The following TTC3 variants were observed in gnomAD, a reference collection of about 807,000 sequenced individuals.
The protein encoded by TTC3 is tetratricopeptide repeat domain 3, also known as E3 ubiquitin-protein ligase TTC3.
Under a neutral mutation model 249.6 loss-of-function variants are expected in TTC3, and 180 were observed. The ratio of observed to expected loss-of-function variants is 0.72; its 90% confidence interval spans 0.64 to 0.82. TTC3 has a LOEUF of 0.82. Among genes scored for constraint, TTC3 ranks in the 40% least tolerant of loss-of-function variants. TTC3 has a pLI of 0.00. For synonymous variants in TTC3, 717 were observed against 805.0 expected (o/e 0.89, Z 1.85); for missense variants, 2,061 against 2,398.4 (o/e 0.86, Z 2.94).
At chr21:37,114,949 G>A (rs548067528) in intron 11 of TTC3, among the ~76,000 whole-genome samples, 234 of 151,890 alleles carry the variant, frequency 1.5e-3, no homozygotes, top group African/African-American at 4.1e-3. Context: ...ACCAAACACC[G>A]CATGTTCTCA....
chr21:37,111,617 A>G (rs2075668978), intron 11 of TTC3, among the ~76,000 whole-genome samples: 1 of 152,172 alleles, frequency 6.6e-6, no homozygotes, highest in Admixed American at 6.5e-5. Flanking sequence ...TTAACACCCC[A>G]CTGTCAACAT....
chr21:37,111,749 A>T (rs1417316209), intron 11 of TTC3, among the ~76,000 whole-genome samples: 1 of 152,108 alleles, frequency 6.6e-6, no homozygotes, highest in African/African-American at 2.4e-5. Flanking sequence ...AATATACATT[A>T]TTTTCAGCAC....
intron 11 of TTC3, among the ~76,000 whole-genome samples, chr21:37,114,592 A>C (rs1421001912): frequency 1.3e-5 from 2 of 152,130 alleles, no homozygotes; most frequent in East Asian, 3.9e-4. Context: ...TGGGACTGTA[A>C]ACTAGTTCAA....
intron 38 of TTC3, 132 bp downstream of exon 38, chr21:37,187,277 A>G: frequency 1.6e-6 from 1 of 643,692 alleles, no homozygotes; most frequent in Non-Finnish European, 2.6e-6. Context: ...CCCATAATAT[A>G]TCCTCCCTAA....
intron 1 of TTC3, among the ~76,000 whole-genome samples, chr21:37,074,306 GC>G (rs1193887896): frequency 2.0e-5 from 3 of 152,224 alleles, no homozygotes; most frequent in Non-Finnish European, 2.9e-5. Context: ...GGCCTCTTCA[GC>G]CAGCCTGTTC....
At chr21:37,201,723 TTAAG>T in exon 46 of TTC3, 1 of 996,580 alleles carries the variant, frequency 1.0e-6, no homozygotes, top group Non-Finnish European at 1.4e-6. Context: ...ATCGCTGATA[TTAAG>T]TAATTTCCCC....
intron 1 of TTC3, among the ~76,000 whole-genome samples, chr21:37,076,842 C>A (rs1197590559): frequency 6.6e-6 from 1 of 151,704 alleles, no homozygotes; most frequent in African/African-American, 2.4e-5. Flanking sequence ...GCTGGGATTA[C>A]AGGCGCGCAC....
chr21:37,135,606 G>A (rs899585231), intron 18 of TTC3, 92 bp downstream of exon 18: 1 of 1,464,452 alleles, frequency 6.8e-7, no homozygotes, highest in Non-Finnish European at 9.2e-7. Context: ...TTGTAGTAAT[G>A]TACCTAAGAC....
intron 17 of TTC3, among the ~76,000 whole-genome samples, chr21:37,134,020 G>C (rs531894279): frequency 6.6e-6 from 1 of 152,328 alleles, no homozygotes; most frequent in East Asian, 1.9e-4. Context: ...TGTAGGGCTA[G>C]TATATCATCA....
chr21:37,082,967 A>G (rs570632556), intron 1 of TTC3: 19 of 984,608 alleles, frequency 1.9e-5, no homozygotes, highest in Non-Finnish European at 2.3e-5. Context: ...AGTATTAAGT[A>G]AATAGCAGTA....
Position 37,149,572 on chromosome 21 carries a change from T to C in TTC3, c.2119-506T>C, listed in dbSNP as rs146257002. Among the ~76,000 whole-genome samples the C allele has an allele frequency of 9.2e-5, 14 of 152,334 alleles. No individual in the cohort carries two copies. The East Asian group carries it at 2.7e-3, about 29-fold the overall frequency. ...GTAAATTAGTCAGCTTTCCCTAGGA[T>C]ATGCTGAAGTGATGCAACCCAAATA... On this transcript the variant is annotated intron_variant, in intron 23 of 45. Coordinates refer to ENST00000355666, the Ensembl canonical transcript of TTC3.
intron 35 of TTC3, among the ~76,000 whole-genome samples, chr21:37,175,988 C>T (rs2082251584): frequency 1.3e-5 from 2 of 152,070 alleles, no homozygotes; most frequent in African/African-American, 4.8e-5. Flanking sequence ...CCAGGCTAGT[C>T]TTGAACTTCT....
At chr21:37,129,060 T>G in exon 16 of TTC3, 2 of 1,588,442 alleles carry the variant, frequency 1.3e-6, no homozygotes, top group Non-Finnish European at 1.7e-6. Context: ...TCAGAAAAGT[T>G]CAGGTATGTT....
At chr21:37,147,210 T>C (rs1473993827) in intron 21 of TTC3, among the ~76,000 whole-genome samples, 1 of 152,194 alleles carries the variant, frequency 6.6e-6, no homozygotes, top group Non-Finnish European at 1.5e-5. Context: ...AAAATGCGAT[T>C]TGATGATTGT....
chr21:37,137,585 A>G (rs1218059036), intron 18 of TTC3, among the ~76,000 whole-genome samples: 4 of 152,192 alleles, frequency 2.6e-5, no homozygotes, highest in Non-Finnish European at 4.4e-5. Flanking sequence ...ATGAACAAAA[A>G]AAGTCATTTC....
Position 37,092,278 on chromosome 21 carries a change from A to G in TTC3, c.601+865A>G, listed in dbSNP as rs138837968. The stretch of plus-strand genomic sequence containing the variant: ...CTGCTGAGATAAAGGCAAATTTTGC[A>G]CTATTGACTTAAGTGCTAGAAAGGA... On this transcript the variant is annotated intron_variant, in intron 7 of 45. Transcript: ENST00000355666. 2.3e-4 allele frequency among the ~76,000 whole-genome samples: 35 copies of G among 152,374 alleles called. No individual in the cohort carries two copies. The East Asian group carries it at 6.7e-3, about 29-fold the overall frequency.
At chr21:37,090,357 C>T in intron 6 of TTC3, 71 bp downstream of exon 6, 1 of 1,376,580 alleles carries the variant, frequency 7.3e-7, no homozygotes. Flanking sequence ...CTCATTTCCC[C>T]TTGCATTGGG....
At chr21:37,162,463 A>G (rs1243317403) in intron 31 of TTC3, among the ~76,000 whole-genome samples, 6 of 152,182 alleles carry the variant, frequency 3.9e-5, no homozygotes, top group African/African-American at 1.2e-4. Flanking sequence ...GCTGTATATG[A>G]TGTTATGTTT....
chr21:37,139,434 T>C lies in TTC3; in HGVS notation c.1659+720T>C, dbSNP rs530597494. ...ACTTTGCTTTCTGAGGTTTTGAGTT[T>C]GCTATAAATGTTGAAATGCTCTAGA... On this transcript the variant is annotated intron_variant, in intron 19 of 45. Coordinates refer to ENST00000355666, the Ensembl canonical transcript of TTC3. 3.9e-5 allele frequency among the ~76,000 whole-genome samples: 6 copies of C among 152,264 alleles called. No homozygotes were observed. In the South Asian group the frequency reaches 8.3e-4, roughly 21 times the overall value.
Sources: allele counts gnomAD v4.1 joint callset (sites outside exome capture counted in the v4.1 genomes callset), GRCh38; gene constraint gnomAD v4.1.1; transcripts MANE v1.5; gene names NCBI Gene and HGNC (gene_info 2026-07-23, HGNC 2026-07-21).